Variants in STMN2 observed in about 807,000 individuals in gnomAD.
STMN2 encodes stathmin-2.
Under a neutral mutation model 24.1 loss-of-function variants are expected in STMN2, and 2 were observed. The ratio of observed to expected loss-of-function variants is 0.08; its 90% confidence interval spans 0.03 to 0.26. STMN2 has a LOEUF of 0.26. Ranked by LOEUF, STMN2 falls within the 10% of genes least tolerant of loss-of-function variation. The pLI is 1.00. For missense variants in STMN2, 114 were observed against 213.6 expected, an observed-to-expected ratio of 0.53 and a Z score of 2.91; for synonymous variants, 83 against 77.5, an observed-to-expected ratio of 1.07 and a Z score of -0.37.
chr8:79,611,432 G>C (rs35479042), intron 1 of STMN2, among the ~76,000 whole-genome samples: 16,052 of 152,194 alleles, frequency 0.11, 1,168 homozygotes, highest in Non-Finnish European at 0.16. Flanking sequence ...AGGTAGAAGC[G>C]GGTAAGTTGC....
At chr8:79,621,183 G>C (rs114622310) in intron 1 of STMN2, among the ~76,000 whole-genome samples, 2,056 of 152,252 alleles carry the variant, frequency 0.014, 52 homozygotes, top group African/African-American at 0.047. Context: ...CAATTTTCCT[G>C]TTTGTTCCTC....
intron 1 of STMN2, chr8:79,611,726 A>T (rs1809229860): frequency 1.0e-6 from 1 of 983,316 alleles, no homozygotes; most frequent in African/African-American, 1.8e-5. Context: ...GATGGAGAGA[A>T]CTGGGCACAT....
chr8:79,621,900 A>G (rs1208852828), intron 1 of STMN2, among the ~76,000 whole-genome samples: 1 of 152,214 alleles, frequency 6.6e-6, no homozygotes, highest in Non-Finnish European at 1.5e-5. Flanking sequence ...AAAGCAGCCC[A>G]TGTCCAAAGG....
chr8:79,621,031 A>G, intron 1 of STMN2: 1 of 985,278 alleles, frequency 1.0e-6, no homozygotes. Flanking sequence ...GGAGCTCTGC[A>G]ACAAGGCGTC....
rs1806567919 is a variant in STMN2, at chr8:79,664,799, C to G, written c.481-16C>G. ...AAAGGGCCTGTGACATTTCTTCTTC[C>G]TTTTGTGTTTTTTAGGAGAGGCATG... On this transcript the variant is annotated splice_polypyrimidine_tract_variant and intron_variant, in intron 4 of 4. Transcript: ENST00000220876. The G allele has an allele frequency of 6.2e-7, 1 of 1,611,338 alleles. No homozygotes were observed. The highest frequency in any genetic ancestry group is 1.3e-5 in the African/African-American group (1 of 74,928).
intron 1 of STMN2, among the ~76,000 whole-genome samples, chr8:79,622,386 T>C (rs1285086033): frequency 6.6e-6 from 1 of 152,212 alleles, no homozygotes; most frequent in Non-Finnish European, 1.5e-5. Flanking sequence ...TCAATTCTTA[T>C]ACTTTGTTAA....
At position 79,611,229 on chromosome 8, in the gene STMN2, CT is replaced by C; in HGVS notation, c.19+16del. On this transcript the variant is annotated intron_variant, in intron 1 of 4. Coordinates refer to ENST00000220876, the MANE Select transcript of STMN2 (RefSeq NM_007029.4). ...AACAGCAATGGGTAAGGCACTGCGCCTCGTTCTCCGTCGGCTCTACCTGGAG... is the reference window on the plus strand; with the variant it reads ...AACAGCAATGGGTAAGGCACTGCGCCCGTTCTCCGTCGGCTCTACCTGGAG... 6.2e-7 allele frequency: 1 copy of C among 1,613,984 alleles called. No homozygotes were observed. The highest frequency in any genetic ancestry group is 8.5e-7 in the Non-Finnish European group (1 of 1,180,032).
chr8:79,641,310 TA>T, intron 2 of STMN2, 67 bp from the exon 3 acceptor site: 1 of 1,525,442 alleles, frequency 6.6e-7, no homozygotes, highest in Non-Finnish European at 8.8e-7. Context: ...TGCTGGAATC[TA>T]AATTATTAAA....
chr8:79,655,086 A>G, intron 4 of STMN2, 24 bp downstream of exon 4: 1 of 1,610,872 alleles, frequency 6.2e-7, no homozygotes, highest in Non-Finnish European at 8.5e-7. Flanking sequence ...AGTCCTGAGC[A>G]GATGGATATA....
At chr8:79,637,012 A>T in intron 2 of STMN2, 115 bp downstream of exon 2, 1 of 955,546 alleles carries the variant, frequency 1.0e-6, no homozygotes, top group Non-Finnish European at 1.6e-6. Context: ...AGCTCTCACT[A>T]TTGACTTGCC....
intron 1 of STMN2, among the ~76,000 whole-genome samples, chr8:79,624,261 T>C (rs373115680): frequency 4.6e-5 from 7 of 152,106 alleles, no homozygotes; most frequent in South Asian, 2.1e-4. Flanking sequence ...GAGACCATCC[T>C]GGCTAACACG....
At chr8:79,618,113 T>C (rs1336060297) in intron 1 of STMN2, among the ~76,000 whole-genome samples, 1 of 152,258 alleles carries the variant, frequency 6.6e-6, no homozygotes, top group Non-Finnish European at 1.5e-5. Context: ...AGGTCACACC[T>C]GTGATATCAC....
intron 2 of STMN2, among the ~76,000 whole-genome samples, chr8:79,640,194 G>A (rs949298580): frequency 9.2e-5 from 14 of 152,122 alleles, no homozygotes; most frequent in Non-Finnish European, 1.5e-4. Context: ...GGGAAACTCC[G>A]TCTCAATAAT....
At chr8:79,626,471 G>C (rs1809657682) in intron 1 of STMN2, among the ~76,000 whole-genome samples, 1 of 152,204 alleles carries the variant, frequency 6.6e-6, no homozygotes, top group Non-Finnish European at 1.5e-5. Flanking sequence ...TATGTGGTAA[G>C]GGCCAAGGAA....
intron 4 of STMN2, among the ~76,000 whole-genome samples, chr8:79,660,118 C>T (rs1339699867): frequency 1.3e-5 from 2 of 152,086 alleles, no homozygotes; most frequent in African/African-American, 4.8e-5. Context: ...AAGTATGTGG[C>T]AATATTAGGG....
intron 1 of STMN2, among the ~76,000 whole-genome samples, chr8:79,616,565 C>T (rs1316017239): frequency 6.6e-6 from 1 of 152,186 alleles, no homozygotes; most frequent in African/African-American, 2.4e-5. Context: ...GACATTCTGT[C>T]TTCCGAACAA....
chr8:79,622,953 A>G (rs1377164740), intron 1 of STMN2, among the ~76,000 whole-genome samples: 2 of 152,008 alleles, frequency 1.3e-5, no homozygotes, highest in Non-Finnish European at 2.9e-5. Flanking sequence ...ACTGTGCACA[A>G]TATCTCATTG....
intron 1 of STMN2, among the ~76,000 whole-genome samples, chr8:79,614,197 G>GA (rs1375680603): frequency 1.3e-5 from 2 of 151,736 alleles, no homozygotes; most frequent in African/African-American, 4.8e-5. Context: ...TGCAAATCAT[G>GA]AAAAAAACAC....
rs112786301 is a variant in STMN2 at position 79,661,415 on chromosome 8, A to G, written c.481-3400A>G. On this transcript the variant is annotated intron_variant, in intron 4 of 4. Coordinates refer to ENST00000220876, the MANE Select transcript of STMN2 (RefSeq NM_007029.4). ...ATTTAACTCTTTAGTTATAGATTCC[A>G]GCTATTATCAATTTACACCTATTGC... Among the ~76,000 whole-genome samples, 112 of 152,194 alleles carry G rather than the reference A, an allele frequency of 7.4e-4. 1 individual carries two copies. Among genetic ancestry groups the G allele is most frequent in the African/African-American group, 2.7e-3 (111 of 41,550 alleles).
Sources: allele counts gnomAD v4.1 joint callset (sites outside exome capture counted in the v4.1 genomes callset), GRCh38; gene constraint gnomAD v4.1.1; transcripts MANE v1.5; gene names NCBI Gene and HGNC (gene_info 2026-07-23, HGNC 2026-07-21).